MTUS1: variants seen among roughly 807,000 people sequenced by gnomAD.
MTUS1 encodes microtubule associated scaffold protein 1.
MTUS1 carries 109 observed loss-of-function variants against 120.8 expected under a neutral mutation model. That is an observed-to-expected ratio of 0.90 (90% CI 0.77 to 1.06). The LOEUF (loss-of-function observed/expected upper bound fraction) is 1.06. Among genes scored for constraint, MTUS1 ranks in the 50% least tolerant of loss-of-function variants. MTUS1 has a pLI of 0.00. For missense variants in MTUS1, 2,210 were observed against 1,486.3 expected (o/e 1.49, Z -8.01); for synonymous variants, 737 against 550.5 (o/e 1.34, Z -4.74).
intron 3 of MTUS1, among the ~76,000 whole-genome samples, chr8:17,738,299 C>A (rs888432077): frequency 3.9e-5 from 6 of 152,210 alleles, no homozygotes; most frequent in African/African-American, 1.4e-4. Context: ...TAAACACGCA[C>A]TCTCCCTCCT....
At chr8:17,732,477 G>C (rs1466032123) in intron 3 of MTUS1, among the ~76,000 whole-genome samples, 1 of 152,170 alleles carries the variant, frequency 6.6e-6, no homozygotes, top group Non-Finnish European at 1.5e-5. Flanking sequence ...GCACCCCAGA[G>C]CTATCCTTGA....
At chr8:17,670,222 G>A (rs902313758) in intron 8 of MTUS1, among the ~76,000 whole-genome samples, 2 of 152,210 alleles carry the variant, frequency 1.3e-5, no homozygotes, top group Non-Finnish European at 2.9e-5. Context: ...CATCAGGAAG[G>A]TCTGATTATA....
chr8:17,800,185 C>T (rs1299759201), intron 1 of MTUS1, among the ~76,000 whole-genome samples: 2 of 152,086 alleles, frequency 1.3e-5, no homozygotes, highest in African/African-American at 2.4e-5. Flanking sequence ...TAATCCCCTC[C>T]CTCCTGCATT....
At chr8:17,791,649 G>A (rs1304412648) in intron 1 of MTUS1, among the ~76,000 whole-genome samples, 1 of 152,180 alleles carries the variant, frequency 6.6e-6, no homozygotes, top group Non-Finnish European at 1.5e-5. Context: ...AAAAACAAGA[G>A]GTGACAAAGC....
chr8:17,742,365 T>A (rs1586093203), intron 3 of MTUS1, among the ~76,000 whole-genome samples: 1 of 150,280 alleles, frequency 6.7e-6, no homozygotes, highest in African/African-American at 2.5e-5. Context: ...CTGGCCCACT[T>A]TGGCTTCCTA....
At chr8:17,661,998 C>T (rs1000717402) in intron 8 of MTUS1, among the ~76,000 whole-genome samples, 11 of 152,160 alleles carry the variant, frequency 7.2e-5, no homozygotes, top group Non-Finnish European at 8.8e-5. Context: ...CACATGTAAA[C>T]GCTGTATTAA....
intron 9 of MTUS1, among the ~76,000 whole-genome samples, chr8:17,655,496 G>A (rs545058562): frequency 4.5e-4 from 69 of 152,260 alleles, no homozygotes; most frequent in African/African-American, 1.7e-3. Context: ...TTCCAAGGCA[G>A]GCGGATCACC....
At chr8:17,651,201 G>A (rs73668807) in intron 12 of MTUS1, among the ~76,000 whole-genome samples, 2,554 of 152,186 alleles carry the variant, frequency 0.017, 64 homozygotes, top group African/African-American at 0.057. Context: ...TGGGAGGTGG[G>A]GTGGGGTGGG....
chr8:17,701,736 A>G (rs1170561984), intron 6 of MTUS1, among the ~76,000 whole-genome samples: 1 of 152,022 alleles, frequency 6.6e-6, no homozygotes, highest in Non-Finnish European at 1.5e-5. Flanking sequence ...TTTTTAGTAG[A>G]GACAGGGTTT....
At chr8:17,792,372 G>A (rs2051864882) in intron 1 of MTUS1, among the ~76,000 whole-genome samples, 2 of 152,144 alleles carry the variant, frequency 1.3e-5, no homozygotes, top group Admixed American at 6.5e-5. Context: ...ATTTTTAAAT[G>A]TTCAGCCTAA....
chr8:17,735,653 T>C (rs1037470541), intron 3 of MTUS1, among the ~76,000 whole-genome samples: 8 of 152,222 alleles, frequency 5.3e-5, no homozygotes, highest in African/African-American at 1.7e-4. Context: ...ACAGTTCAAA[T>C]GTCACCGCCT....
In MTUS1 at chr8:17,742,269, G is replaced by GTTTTTTTTTT. The variant is rs1210338239; in HGVS notation, c.2287+1325_2287+1334dup. ...CACCATCATGCTCTCATGCCCAGCT[G>GTTTTTTTTTT]TTTTTTTTTTTTGTTGTTGTTGTTT... On this transcript the variant is annotated intron_variant, in intron 3 of 14. Transcript: ENST00000693296. 2.1e-4 allele frequency among the ~76,000 whole-genome samples: 20 copies of GTTTTTTTTTT among 94,900 alleles called. 1 individual carries two copies. Among genetic ancestry groups the GTTTTTTTTTT allele is most frequent in the East Asian group, 1.6e-3 (5 of 3,128 alleles). 62.3% of individuals were successfully genotyped at this position (94,900 alleles called of 152,430 possible).
intron 12 of MTUS1, 133 bp from the exon 13 acceptor site, chr8:17,650,095 AG>A (rs1806667575): frequency 7.2e-6 from 5 of 690,426 alleles, no homozygotes; most frequent in Non-Finnish European, 1.3e-5. Context: ...GCAATTTCAA[AG>A]AAAGAGGTGA....
Position 17,723,846 on chromosome 8 carries a change from A to G in MTUS1, c.2288-13T>C, listed in dbSNP as rs768455802. 352 of 1,537,998 alleles carry G rather than the reference A, an allele frequency of 2.3e-4. 9 individuals are homozygous for G. Among genetic ancestry groups the G allele is most frequent in the Non-Finnish European group, 3.0e-4 (343 of 1,144,142 alleles). ...GATGTAGGCTTTCCTTGGGGTTTAA[A>G]AAAAACAAAAAGTTTCCAGTGCTAT... On this transcript the variant is annotated splice_polypyrimidine_tract_variant and intron_variant, in intron 3 of 14. Transcript: ENST00000693296.
intron 7 of MTUS1, among the ~76,000 whole-genome samples, chr8:17,677,100 T>G (rs1016998439): frequency 5.3e-5 from 8 of 152,304 alleles, no homozygotes; most frequent in African/African-American, 1.7e-4. Context: ...AAATATGGCA[T>G]TAAGTTGTTC....
intron 3 of MTUS1, among the ~76,000 whole-genome samples, chr8:17,738,279 G>A (rs562922133): frequency 2.6e-5 from 4 of 152,166 alleles, no homozygotes; most frequent in Admixed American, 1.3e-4. Context: ...GCCGCTTTGT[G>A]TTTGCTGCAT....
chr8:17,676,221 T>G, intron 7 of MTUS1: 1 of 702,770 alleles, frequency 1.4e-6, no homozygotes, highest in East Asian at 2.7e-5. Flanking sequence ...CCAGACAGCC[T>G]CTGCAGTAGT....
intron 1 of MTUS1, among the ~76,000 whole-genome samples, chr8:17,777,316 G>C (rs891625303): frequency 2.6e-5 from 4 of 151,908 alleles, no homozygotes; most frequent in Admixed American, 6.6e-5. Flanking sequence ...GGCGCACACC[G>C]GTAATCCCAG....
At chr8:17,664,204 C>T (rs1346895391) in intron 8 of MTUS1, 2 of 152,204 alleles carry the variant, frequency 1.3e-5, no homozygotes, top group Non-Finnish European at 2.9e-5. Flanking sequence ...CACTTCAAGT[C>T]TTTCCCTTCC....
Sources: allele counts gnomAD v4.1 joint callset (sites outside exome capture counted in the v4.1 genomes callset), GRCh38; gene constraint gnomAD v4.1.1; transcripts MANE v1.5; gene names NCBI Gene and HGNC (gene_info 2026-07-23, HGNC 2026-07-21).